CEP350: variants seen among roughly 807,000 people sequenced by gnomAD.
CEP350 encodes the protein centrosome-associated protein 350.
A neutral mutation model predicts 331.8 loss-of-function variants in CEP350; 126 were observed. The ratio of observed to expected loss-of-function variants is 0.38; its 90% CI spans 0.33 to 0.44. The LOEUF is 0.44. Among genes scored for constraint, CEP350 ranks in the 20% least tolerant of loss-of-function variants. The probability of loss-of-function intolerance (pLI) is 1.00; values close to 1 mark genes in which losing one functional copy is unlikely to be tolerated. For synonymous variants in CEP350, 1,200 were observed against 1,259.5 expected (o/e 0.95, Z 1.00); for missense variants, 3,406 against 3,634.6 (o/e 0.94, Z 1.62).
intron 21 of CEP350, among the ~76,000 whole-genome samples, chr1:180,046,334 C>T (rs558031117): frequency 9.2e-5 from 14 of 152,330 alleles, no homozygotes; most frequent in African/African-American, 2.9e-4. Context: ...GGCATCATTA[C>T]AGTATGTGGC....
intron 16 of CEP350, among the ~76,000 whole-genome samples, chr1:180,036,027 A>T (rs1656332226): frequency 6.6e-6 from 1 of 152,240 alleles, no homozygotes; most frequent in South Asian, 2.1e-4. Flanking sequence ...ATGAGCATTA[A>T]CAGGAGCTTG....
intron 16 of CEP350, among the ~76,000 whole-genome samples, chr1:180,035,796 T>C (rs1231339279): frequency 6.6e-6 from 1 of 152,222 alleles, no homozygotes; most frequent in Non-Finnish European, 1.5e-5. Context: ...ATTAATGTTT[T>C]TATGTCCCCT....
chr1:180,000,115 G>C (rs1202469261), intron 6 of CEP350, among the ~76,000 whole-genome samples: 2 of 152,090 alleles, frequency 1.3e-5, no homozygotes, highest in Non-Finnish European at 2.9e-5. Flanking sequence ...AGTGGACAAA[G>C]AAATGGAAAT....
chr1:180,044,187 G>C lies in CEP350; in HGVS notation c.4622+14G>C. Reference sequence around the variant, plus strand: ...TCATGATAGAAGGTGAAGACAATTTGATTTCTTTGTCAGTACAGTTTAGTA... The same window carrying C: ...TCATGATAGAAGGTGAAGACAATTTCATTTCTTTGTCAGTACAGTTTAGTA... On this transcript the variant is annotated intron_variant, in intron 21 of 37. Transcript: ENST00000367607. 1 of 1,549,388 alleles carries C rather than the reference G, an allele frequency of 6.5e-7. No individual in the cohort carries two copies. Among genetic ancestry groups the C allele is most frequent in the Non-Finnish European group, 8.7e-7 (1 of 1,149,562 alleles).
rs111620257 is a variant in CEP350 at position 180,031,262 on chromosome 1, ATC to A, written c.3551-51_3551-50del. ...TTTTATTGAAATCTATATATCAATT[ATC>A]TCTCTCAATAACTTCTAATATTGGG... is the stretch of plus-strand genomic sequence containing the variant. On this transcript the variant is annotated intron_variant, in intron 14 of 37. Transcript: ENST00000367607. The A allele has an allele frequency of 2.7e-4, 270 of 985,060 alleles. No individual in the cohort carries two copies. In the African/African-American group the frequency reaches 3.5e-3, roughly 13 times the overall value. The allele number at this position is 985,060 out of a possible 1,614,324, so 61.0% of individuals were successfully genotyped here. A position where few individuals can be genotyped will look rare whatever the true frequency, so the allele number is the denominator to read the frequency against.
intron 25 of CEP350, among the ~76,000 whole-genome samples, chr1:180,057,669 T>A (rs572061565): frequency 6.6e-6 from 1 of 152,156 alleles, no homozygotes; most frequent in Non-Finnish European, 1.5e-5. Context: ...TTTGCTATTT[T>A]ATGAGAGTTT....
At chr1:180,076,797 G>T (rs888593285) in intron 28 of CEP350, among the ~76,000 whole-genome samples, 16 of 151,698 alleles carry the variant, frequency 1.1e-4, no homozygotes, top group Admixed American at 2.6e-4. Context: ...TCAAAAAAAT[G>T]AATCAATAAA....
intron 27 of CEP350, among the ~76,000 whole-genome samples, chr1:180,072,650 G>C (rs1034738403): frequency 3.9e-5 from 6 of 152,072 alleles, no homozygotes; most frequent in African/African-American, 7.2e-5. Context: ...GTGTTTTTGC[G>C]TGTGTGTATG....
chr1:180,043,831 C>CT (rs537697676), intron 20 of CEP350, among the ~76,000 whole-genome samples: 1 of 151,718 alleles, frequency 6.6e-6, no homozygotes, highest in South Asian at 2.1e-4. Context: ...TTGACTGTCT[C>CT]TAATTCATAG....
At chr1:180,051,847 ATAGT>A in intron 22 of CEP350, among the ~76,000 whole-genome samples, 1 of 152,334 alleles carries the variant, frequency 6.6e-6, no homozygotes, top group East Asian at 1.9e-4. Flanking sequence ...TAATTGGATA[ATAGT>A]TTTTCACAGG....
intron 37 of CEP350, 149 bp from the exon 38 acceptor site, chr1:180,110,848 A>C (rs1661431556): frequency 6.8e-6 from 4 of 585,420 alleles, no homozygotes; most frequent in Non-Finnish European, 1.1e-5. Context: ...CAATTTTAAA[A>C]GGGGTATTGA....
chr1:180,099,132 C>T (rs1388802669), intron 37 of CEP350, 147 bp downstream of exon 37: 1 of 758,878 alleles, frequency 1.3e-6, no homozygotes, highest in Non-Finnish European at 2.0e-6. Flanking sequence ...ATTTCTACCC[C>T]TCAGTTTTGT....
At chr1:180,039,124 G>T (rs575795391) in intron 17 of CEP350, among the ~76,000 whole-genome samples, 1 of 149,246 alleles carries the variant, frequency 6.7e-6, no homozygotes, top group Non-Finnish European at 1.5e-5. Flanking sequence ...CGGGTTGGGC[G>T]TGGTGGGGGG....
chr1:179,990,623 T>TA lies in CEP350; in HGVS notation c.235+3dup, dbSNP rs758718352. ...CTACTCGAAAAATAAGTAGAAAAGG[T>TA]ATGTATGAAGTTACTTCCAAATATA... On this transcript the variant is annotated splice_region_variant and intron_variant, in intron 4 of 37. Coordinates refer to ENST00000367607, the MANE Select transcript of CEP350 (RefSeq NM_014810.5). 1.0e-4 allele frequency: 152 copies of TA among 1,511,262 alleles called. No individual in the cohort carries two copies. The highest frequency in any genetic ancestry group is 1.3e-4 in the Non-Finnish European group (144 of 1,102,264). 93.6% of individuals were successfully genotyped at this position (1,511,262 alleles called of 1,614,324 possible).
rs1358824805 is a variant in CEP350, at chr1:180,024,428, AAGC to A, written c.3397_3399del (p.Ser1133del). The A allele has an allele frequency of 6.2e-7, 1 of 1,610,094 alleles. No individual in the cohort carries two copies. The highest frequency in any genetic ancestry group is 8.5e-7 in the Non-Finnish European group (1 of 1,178,138). ...ATTTATTCTTTGACAGTAGCACTTTAAGCCCTCAGGAGGACCATTCTAACAGAA... is the reference window on the plus strand; with the variant it reads ...ATTTATTCTTTGACAGTAGCACTTTACCTCAGGAGGACCATTCTAACAGAA... On this transcript the variant is annotated inframe_deletion, in exon 14 of 38. Transcript: ENST00000367607.
At chr1:180,095,471 A>G in intron 34 of CEP350, 52 bp from the exon 35 acceptor site, 1 of 1,531,010 alleles carries the variant, frequency 6.5e-7, no homozygotes, top group Non-Finnish European at 8.8e-7. Flanking sequence ...TTAAAAAAAA[A>G]TGATATGAGG....
rs759672401 is a variant in CEP350, at chr1:180,014,007, C to T, written c.1554C>T (p.Ala518=). ...LPDNKQEENT[A]LNKDFLPIEI... Reference sequence around the variant, plus strand: ...ATAATAAGCAGGAGGAAAATACTGCCTTAAATAAGGACTTTTTACCTATTG... The same window carrying T: ...ATAATAAGCAGGAGGAAAATACTGCTTTAAATAAGGACTTTTTACCTATTG... Residue 518 remains alanine, a synonymous_variant, in exon 10 of 38, where the codon GCC becomes GCT. Coordinates refer to ENST00000367607, the MANE Select transcript of CEP350 (RefSeq NM_014810.5). The T allele has an allele frequency of 3.7e-6, 6 of 1,613,472 alleles. No individual in the cohort carries two copies. The highest frequency in any genetic ancestry group is 1.3e-5 in the African/African-American group (1 of 74,856).
At chr1:180,074,188 T>C (rs1298857470) in intron 27 of CEP350, among the ~76,000 whole-genome samples, 1 of 152,210 alleles carries the variant, frequency 6.6e-6, no homozygotes, top group Non-Finnish European at 1.5e-5. Flanking sequence ...ACACTAGTAA[T>C]GTGAGCAGCC....
intron 6 of CEP350, among the ~76,000 whole-genome samples, chr1:179,997,827 A>G (rs1299642748): frequency 6.6e-6 from 1 of 152,228 alleles, no homozygotes; most frequent in Non-Finnish European, 1.5e-5. Context: ...TATTTAAAAG[A>G]TAACTCCATT....
Sources: allele counts gnomAD v4.1 joint callset (sites outside exome capture counted in the v4.1 genomes callset), GRCh38; gene constraint gnomAD v4.1.1; transcripts MANE v1.5; gene names NCBI Gene and HGNC (gene_info 2026-07-23, HGNC 2026-07-21).